RFX4: variants seen among roughly 807,000 people sequenced by gnomAD.
RFX4 encodes regulatory factor X4.
A neutral mutation model predicts 95.0 loss-of-function variants in RFX4; 10 were observed. The observed-to-expected ratio is 0.11, with a 90% CI of 0.06 to 0.18. The LOEUF is 0.18. Among genes scored for constraint, RFX4 ranks in the 10% least tolerant of loss-of-function variants. The pLI, the probability that RFX4 is intolerant of heterozygous loss-of-function variation, is 1.00. For synonymous variants in RFX4, 321 were observed against 340.7 expected (o/e 0.94, Z 0.64); for missense variants, 640 against 922.0 (o/e 0.69, Z 3.96).
At chr12:106,647,418 A>G (rs186957655) in intron 3 of RFX4, among the ~76,000 whole-genome samples, 98 of 152,330 alleles carry the variant, frequency 6.4e-4, no homozygotes, top group African/African-American at 2.2e-3. Flanking sequence ...GTGATAGCCA[A>G]TATGAACATC....
intron 4 of RFX4, among the ~76,000 whole-genome samples, chr12:106,673,947 C>A (rs186123599): frequency 2.1e-4 from 32 of 152,312 alleles, no homozygotes; most frequent in African/African-American, 7.5e-4. Flanking sequence ...GCCAGGGTGA[C>A]CCTTTTGCAT....
intron 11 of RFX4, among the ~76,000 whole-genome samples, chr12:106,717,777 T>C (rs2042321692): frequency 1.3e-5 from 2 of 152,176 alleles, no homozygotes; most frequent in African/African-American, 4.8e-5. Flanking sequence ...GAAGGGGGAA[T>C]TGAGAGAGGG....
intron 15 of RFX4, among the ~76,000 whole-genome samples, chr12:106,735,070 G>T (rs972965929): frequency 6.7e-6 from 1 of 149,060 alleles, no homozygotes; most frequent in Non-Finnish European, 1.5e-5. Context: ...AGAAGAAGAA[G>T]AAAGAAAGGA....
At chr12:106,692,210 C>G (rs1214621611) in intron 7 of RFX4, among the ~76,000 whole-genome samples, 1 of 151,802 alleles carries the variant, frequency 6.6e-6, no homozygotes, top group Non-Finnish European at 1.5e-5. Flanking sequence ...AACGTCTTCT[C>G]CAGACTACAT....
chr12:106,757,129 T>C (rs1811554140), intron 17 of RFX4, among the ~76,000 whole-genome samples: 1 of 152,340 alleles, frequency 6.6e-6, no homozygotes, highest in South Asian at 2.1e-4. Flanking sequence ...TAATGGACCA[T>C]GACCCTGTGA....
intron 13 of RFX4, among the ~76,000 whole-genome samples, chr12:106,728,537 G>A (rs898329046): frequency 6.6e-6 from 1 of 152,090 alleles, no homozygotes; most frequent in Admixed American, 6.5e-5. Flanking sequence ...GAGGAGGCAT[G>A]CAATAACAAT....
rs574622818 is a variant in RFX4, at chr12:106,708,789, G to A, written c.834-541G>A. Among the ~76,000 whole-genome samples, 16 of 152,248 alleles carry A rather than the reference G, an allele frequency of 1.1e-4. No individual in the cohort carries two copies. In the East Asian group the frequency reaches 3.1e-3, roughly 29 times the overall value. On this transcript the variant is annotated intron_variant, in intron 8 of 17. Coordinates refer to ENST00000392842, the MANE Select transcript of RFX4 (RefSeq NM_213594.3). Reference sequence around the variant, plus strand: ...TGCTTCGCCTCTCCAGTTCCTTCCTGCCTCCTGTTCTAATATGGTCTTTGA... The same window carrying A: ...TGCTTCGCCTCTCCAGTTCCTTCCTACCTCCTGTTCTAATATGGTCTTTGA...
chr12:106,665,169 T>C (rs1214274487), intron 4 of RFX4, among the ~76,000 whole-genome samples: 1 of 151,872 alleles, frequency 6.6e-6, no homozygotes, highest in Non-Finnish European at 1.5e-5. Context: ...TGATGCTGTC[T>C]TGTTAGGCAC....
chr12:106,738,711 C>T (rs1441261158), intron 15 of RFX4, among the ~76,000 whole-genome samples: 1 of 152,166 alleles, frequency 6.6e-6, no homozygotes, highest in Admixed American at 6.5e-5. Flanking sequence ...TTTTGAAATA[C>T]TCCATTGCTA....
intron 15 of RFX4, among the ~76,000 whole-genome samples, chr12:106,745,305 C>T (rs1199943839): frequency 6.6e-6 from 1 of 152,148 alleles, no homozygotes; most frequent in Non-Finnish European, 1.5e-5. Context: ...CAGCACAGTG[C>T]ATGGTCTGTA....
At chr12:106,694,257 C>T (rs995827930) in intron 7 of RFX4, among the ~76,000 whole-genome samples, 2 of 152,210 alleles carry the variant, frequency 1.3e-5, no homozygotes, top group Admixed American at 1.3e-4. Context: ...ATCCCTGTTC[C>T]TTATCCTCCA....
In RFX4 at chr12:106,761,649, T is replaced by C. The variant is rs113159260; in HGVS notation, c.*180T>C. 1.5e-5 allele frequency: 5 copies of C among 323,372 alleles called. 1 individual carries two copies. Among genetic ancestry groups the C allele is most frequent in the African/African-American group, 1.1e-4 (5 of 45,728 alleles). The allele number at this position is 323,372 out of a possible 1,614,324, so 20.0% of individuals were successfully genotyped here. On this transcript the variant is annotated 3_prime_UTR_variant, in exon 18 of 18. Coordinates refer to ENST00000392842, the MANE Select transcript of RFX4 (RefSeq NM_213594.3). ...CAATGTGGGATGAATAAACTTTAGT[T>C]CAGAAACAGGACTTACTAAAAGTCA...
At chr12:106,659,390 C>G (rs1045326281) in intron 4 of RFX4, among the ~76,000 whole-genome samples, 3 of 151,992 alleles carry the variant, frequency 2.0e-5, no homozygotes, top group Non-Finnish European at 2.9e-5. Flanking sequence ...TCCAGGGAAA[C>G]AGTGAAATAA....
intron 2 of RFX4, among the ~76,000 whole-genome samples, chr12:106,610,366 G>T (rs1045915775): frequency 4.7e-5 from 7 of 149,730 alleles, no homozygotes; most frequent in African/African-American, 1.7e-4. Context: ...TTGACATTAA[G>T]TACATTCACC....
chr12:106,683,588 T>C (rs2041577564), intron 5 of RFX4: 1 of 152,080 alleles, frequency 6.6e-6, no homozygotes, highest in Admixed American at 6.6e-5. Context: ...GCCAGGTTCT[T>C]CCTTGTTTGC....
In RFX4 at chr12:106,762,644, A is replaced by G. The variant is rs2043224183; in HGVS notation, c.*1175A>G. ...CCCTATGGGTAAGAAATAAATGGAAATATGACATCGGATGTTTCAGCAACT... is the reference window on the plus strand; with the variant it reads ...CCCTATGGGTAAGAAATAAATGGAAGTATGACATCGGATGTTTCAGCAACT... On this transcript the variant is annotated 3_prime_UTR_variant, in exon 18 of 18. Transcript: ENST00000392842. 1 of 152,602 alleles carries G rather than the reference A, an allele frequency of 6.6e-6. No homozygotes were observed. The highest frequency in any genetic ancestry group is 2.4e-5 in the African/African-American group (1 of 41,450). 9.5% of individuals were successfully genotyped at this position (152,602 alleles called of 1,614,324 possible). A position where few individuals can be genotyped will look rare whatever the true frequency, so the allele number is the denominator to read the frequency against.
At chr12:106,721,576 A>T (rs891041523) in intron 13 of RFX4, among the ~76,000 whole-genome samples, 8 of 152,232 alleles carry the variant, frequency 5.3e-5, no homozygotes, top group Non-Finnish European at 1.0e-4. Flanking sequence ...CACCAGAAAG[A>T]AAGCAGTATG....
In RFX4 at chr12:106,646,820, A is replaced by C. The variant is rs557116157; in HGVS notation, c.192-7408A>C. 7.6e-4 allele frequency among the ~76,000 whole-genome samples: 116 copies of C among 152,326 alleles called. 1 individual carries two copies. In the South Asian group the frequency reaches 0.012, roughly 16 times the overall value. On this transcript the variant is annotated intron_variant, in intron 3 of 17. Transcript: ENST00000392842. Reference sequence around the variant, plus strand: ...TCTCTTTCTACACAAAGAGGGGGACATTCCTGACTCCCCAGGGAAATCCTC... The same window carrying C: ...TCTCTTTCTACACAAAGAGGGGGACCTTCCTGACTCCCCAGGGAAATCCTC...
At chr12:106,594,086 C>T (rs1444454222) in intron 1 of RFX4, among the ~76,000 whole-genome samples, 3 of 152,202 alleles carry the variant, frequency 2.0e-5, no homozygotes, top group African/African-American at 7.2e-5. Flanking sequence ...TAAATGGCTA[C>T]TAACCGGGCT....
Sources: allele counts gnomAD v4.1 joint callset (sites outside exome capture counted in the v4.1 genomes callset), GRCh38; gene constraint gnomAD v4.1.1; transcripts MANE v1.5; gene names NCBI Gene and HGNC (gene_info 2026-07-23, HGNC 2026-07-21).